The following SLC2A5 variants were observed in gnomAD, a reference collection of about 807,000 sequenced individuals.
SLC2A5 encodes solute carrier family 2, facilitated glucose transporter member 5.
Under a neutral mutation model 50.3 loss-of-function variants are expected in SLC2A5, and 56 were observed. The observed-to-expected ratio is 1.11, with a 90% CI of 0.90 to 1.39. The LOEUF is 1.39. Ranked by LOEUF, SLC2A5 falls within the 40% of genes most tolerant of loss-of-function variation. The pLI, the probability that SLC2A5 is intolerant of heterozygous loss-of-function variation, is 0.00. For synonymous variants in SLC2A5, 269 were observed against 281.9 expected (o/e 0.95, Z 0.46); for missense variants, 566 against 650.1 (o/e 0.87, Z 1.41).
At chr1:9,067,991 AC>A (rs1352993798) in intron 1 of SLC2A5, among the ~76,000 whole-genome samples, 2 of 151,956 alleles carry the variant, frequency 1.3e-5, no homozygotes, top group African/African-American at 4.8e-5. Context: ...GGAGTTCTAG[AC>A]CAGCCTGGCC....
At position 9,047,645 on chromosome 1, in the gene SLC2A5, A is replaced by G. The variant is rs1321841165; in HGVS notation, c.383T>C (p.Ile128Thr). Residue 128 changes from isoleucine (I) to threonine (T), a missense_variant, in exon 4 of 12, where the codon ATC becomes ACC. Ile to Thr is a moderately conservative substitution (Grantham distance 89, BLOSUM62 -1). Transcript: ENST00000377424. ...TCCCACCAAAAGTCTGGAAATAATGATAAGCTCAAATGATGTGGCGACTCT... is the reference window on the plus strand; with the variant it reads ...TCCCACCAAAAGTCTGGAAATAATGGTAAGCTCAAATGATGTGGCGACTCT... ...CSRVATSFELIIISRLLVGIC... is the reference protein window; with the variant it reads ...CSRVATSFELTIISRLLVGIC... The G allele has an allele frequency of 1.2e-6, 2 of 1,614,092 alleles. No homozygotes were observed. Among genetic ancestry groups the G allele is most frequent in the Admixed American group, 3.3e-5 (2 of 60,004 alleles).
chr1:9,053,319 T>TTATATACTATATATATTTA (rs1557670304), intron 3 of SLC2A5, among the ~76,000 whole-genome samples: 103 of 7,746 alleles, frequency 0.013, 25 homozygotes, highest in Non-Finnish European at 0.019. Flanking sequence ...TATATTGTAT[T>TTATATACTATATATATTTA]TATATATTAT....
intron 3 of SLC2A5, among the ~76,000 whole-genome samples, chr1:9,053,146 A>T (rs1420072957): frequency 3.3e-4 from 21 of 64,112 alleles, no homozygotes; most frequent in East Asian, 1.1e-3. Context: ...TTTATATGTT[A>T]ATATATATTT....
At chr1:9,075,949 C>G (rs1407846996) in intron 2 of SLC2A5, among the ~76,000 whole-genome samples, 9 of 149,264 alleles carry the variant, frequency 6.0e-5, no homozygotes, top group Non-Finnish European at 1.0e-4. Context: ...GCGTGAGCCA[C>G]CGCGCCCGGC....
chr1:9,083,953 G>A (rs1339819760), intron 2 of SLC2A5, among the ~76,000 whole-genome samples: 1 of 151,968 alleles, frequency 6.6e-6, no homozygotes, highest in Admixed American at 6.6e-5. Flanking sequence ...GACCATCCTG[G>A]CTAACACGGT....
chr1:9,048,329 T>C (rs1040948200), intron 3 of SLC2A5, among the ~76,000 whole-genome samples: 3 of 151,986 alleles, frequency 2.0e-5, no homozygotes, highest in Non-Finnish European at 4.4e-5. Flanking sequence ...GCCAACATGG[T>C]AAAACACTGT....
Position 9,039,918 on chromosome 1 carries a change from G to A in SLC2A5, c.767C>T (p.Ala256Val), listed in dbSNP as rs774094285. 3.7e-6 allele frequency: 6 copies of A among 1,612,902 alleles called. No homozygotes were observed. Among genetic ancestry groups the A allele is most frequent in the Non-Finnish European group, 5.1e-6 (6 of 1,179,890 alleles). Residue 256 changes from alanine (A) to valine (V), a missense_variant, in exon 7 of 12, where the codon GCA becomes GTA. Physicochemically the swap from Ala to Val is moderately conservative, Grantham distance 64 (BLOSUM62 0). Transcript: ENST00000377424. ...EVAEIRQEDEAEKAAGFISVL... is the reference protein window; with the variant it reads ...EVAEIRQEDEVEKAAGFISVL... ...GGAGATGAAGCCCGCGGCCTTCTCT[G>A]CCTCATCCTCCTGCCGGATCTCGGC... is the stretch of plus-strand genomic sequence containing the variant.
intron 2 of SLC2A5, among the ~76,000 whole-genome samples, chr1:9,076,302 A>T: frequency 6.6e-6 from 1 of 152,164 alleles, no homozygotes; most frequent in East Asian, 1.9e-4. Flanking sequence ...TGAAAGGCCC[A>T]AAGACCCTAA....
In SLC2A5 at chr1:9,038,435, C is replaced by A. The variant is rs199647808; in HGVS notation, c.1170G>T (p.Gly390=). ...AGGCCAGCTTTGGGTACGTACTGGG[C>A]CCGAGGGCATGTCCTATGACGTAGG... is the stretch of plus-strand genomic sequence containing the variant. ...VISYVIGHAL[G]PSPIPALLIT... is the part of the protein sequence containing the mutation. Residue 390 remains glycine (G), a synonymous_variant, in exon 10 of 12, where the codon GGG becomes GGT. Coordinates refer to ENST00000377424, the MANE Select transcript of SLC2A5 (RefSeq NM_003039.3). 5 of 1,612,366 alleles carry A rather than the reference C, an allele frequency of 3.1e-6. No individual in the cohort carries two copies. The highest frequency in any genetic ancestry group is 4.2e-6 in the Non-Finnish European group (5 of 1,178,770).
At chr1:9,084,399 A>G (rs1245332512) in intron 2 of SLC2A5, among the ~76,000 whole-genome samples, 1 of 152,204 alleles carries the variant, frequency 6.6e-6, no homozygotes, top group East Asian at 1.9e-4. Flanking sequence ...TTTGCTTTGC[A>G]ATAAATCTCT....
intron 2 of SLC2A5, among the ~76,000 whole-genome samples, chr1:9,075,834 T>C (rs936369713): frequency 6.6e-6 from 1 of 152,142 alleles, no homozygotes; most frequent in Admixed American, 6.5e-5. Flanking sequence ...CTAATTTTTG[T>C]ATTTTTAGTA....
intron 2 of SLC2A5, among the ~76,000 whole-genome samples, chr1:9,083,144 A>G (rs1402218836): frequency 6.6e-6 from 1 of 152,234 alleles, no homozygotes; most frequent in Non-Finnish European, 1.5e-5. Flanking sequence ...AATTGTTTTA[A>G]AGACAACTAC....
chr1:9,037,930 G>A lies in SLC2A5; in HGVS notation c.1269C>T (p.Asn423=). ...ACGGGAAGATCAAGCCCACGGTGAA[G>A]TTGGAGAGCCAGTGCACACTGCCCC... is the stretch of plus-strand genomic sequence containing the variant. ...MVGGSVHWLS[N]FTVGLIFPFI... is the part of the protein sequence containing the mutation. The change falls in exon 11 of 12, where the codon AAC becomes AAT. Residue 423 remains asparagine (N), a synonymous_variant. Transcript: ENST00000377424. 6.2e-7 allele frequency: 1 copy of A among 1,613,868 alleles called. No individual in the cohort carries two copies. The highest frequency in any genetic ancestry group is 2.2e-5 in the East Asian group (1 of 44,892).
At chr1:9,070,050 T>C (rs1162073393), upstream of SLC2A5, among the ~76,000 whole-genome samples, 1 of 149,356 alleles carries the variant, frequency 6.7e-6, no homozygotes, top group East Asian at 2.0e-4. Flanking sequence ...TAATACTGTT[T>C]GGGGAAAGTT....
chr1:9,042,617 G>GTA (rs1216747605), intron 4 of SLC2A5, among the ~76,000 whole-genome samples: 2 of 146,740 alleles, frequency 1.4e-5, no homozygotes, highest in Non-Finnish European at 3.0e-5. Flanking sequence ...GTGTGTATGT[G>GTA]TATATATATG....
At chr1:9,086,628 C>G (rs1642404508) in intron 1 of SLC2A5, among the ~76,000 whole-genome samples, 2 of 152,212 alleles carry the variant, frequency 1.3e-5, no homozygotes, top group South Asian at 4.1e-4. Context: ...TGATCTCAAG[C>G]AAGCCACCCA....
chr1:9,057,793 G>A (rs1641801203), intron 2 of SLC2A5, among the ~76,000 whole-genome samples, 185 bp from the exon 3 acceptor site: 1 of 152,176 alleles, frequency 6.6e-6, no homozygotes. Context: ...CACCGGGAGG[G>A]CTGGGAAGCC....
chr1:9,044,775 G>A (rs527244047), intron 4 of SLC2A5, among the ~76,000 whole-genome samples: 15 of 152,156 alleles, frequency 9.9e-5, no homozygotes, highest in African/African-American at 3.1e-4. Flanking sequence ...GGCTGGTCTC[G>A]CACTCCTGAC....
intron 5 of SLC2A5, chr1:9,041,210 A>G (rs1641293377): frequency 5.1e-6 from 2 of 395,986 alleles, no homozygotes; most frequent in Non-Finnish European, 8.9e-6. Flanking sequence ...GTTTAAAGGG[A>G]AAGTCGTGCA....
Sources: allele counts gnomAD v4.1 joint callset (sites outside exome capture counted in the v4.1 genomes callset), GRCh38; gene constraint gnomAD v4.1.1; transcripts MANE v1.5; gene names NCBI Gene and HGNC (gene_info 2026-07-23, HGNC 2026-07-21).